KCNG2: variants seen among roughly 807,000 people sequenced by gnomAD.
KCNG2 encodes the protein potassium voltage-gated channel modifier subfamily G member 2, also known as voltage-gated potassium channel regulatory subunit KCNG2.
In KCNG2, 7 loss-of-function variants were observed where a neutral mutation model predicts 12.3. That is an observed-to-expected ratio of 0.57 (90% CI 0.32 to 1.07). The LOEUF (loss-of-function observed/expected upper bound fraction) is 1.07. Among genes scored for constraint, KCNG2 ranks in the 50% least tolerant of loss-of-function variants. KCNG2 has a pLI of 0.04. For synonymous variants in KCNG2, 414 were observed against 351.4 expected, an observed-to-expected ratio of 1.18 and a Z score of -1.99; for missense variants, 703 against 726.0, an observed-to-expected ratio of 0.97 and a Z score of 0.36.
chr18:79,876,442 G>C (rs1324447318), intron 3 of KCNG2, among the ~76,000 whole-genome samples: 1 of 152,264 alleles, frequency 6.6e-6, no homozygotes, highest in African/African-American at 2.4e-5. Flanking sequence ...GCTGTGGGCT[G>C]CAGTTCCCGG....
chr18:79,888,299 C>G (rs958588177), intron 3 of KCNG2, among the ~76,000 whole-genome samples: 2 of 152,206 alleles, frequency 1.3e-5, no homozygotes, highest in African/African-American at 4.8e-5. Flanking sequence ...GCTGCAGACT[C>G]CTGAGAAGGT....
At chr18:79,817,575 C>T (rs914698010) in intron 1 of KCNG2, among the ~76,000 whole-genome samples, 1 of 152,264 alleles carries the variant, frequency 6.6e-6, no homozygotes, top group African/African-American at 2.4e-5. Context: ...TTTGCACACA[C>T]AGTTCTCACA....
chr18:79,856,351 A>G (rs1199590187), intron 1 of KCNG2, among the ~76,000 whole-genome samples, 28 bp from the exon 2 acceptor site: 1 of 152,206 alleles, frequency 6.6e-6, no homozygotes, highest in African/African-American at 2.4e-5. Flanking sequence ...TCTGTCCCTT[A>G]GGGTGAAACT....
At chr18:79,840,351 A>G (rs898510177) in intron 1 of KCNG2, among the ~76,000 whole-genome samples, 1 of 152,228 alleles carries the variant, frequency 6.6e-6, no homozygotes, top group Non-Finnish European at 1.5e-5. Context: ...AACATAGAAT[A>G]TAATACCCTT....
At chr18:79,871,473 G>A (rs567592118) in intron 3 of KCNG2, among the ~76,000 whole-genome samples, 19 of 152,330 alleles carry the variant, frequency 1.2e-4, no homozygotes, top group African/African-American at 3.8e-4. Context: ...GGCTCCTAGG[G>A]CAGCTGCTCT....
At position 79,899,560 on chromosome 18, in the gene KCNG2, G is replaced by GTCAGGTGGT. The variant is rs767641357; in HGVS notation, c.1145_1146insTCAGGTGGT (p.Gln383_Val385dup). ...GACATGGTCCCGCGCAGCCTGCCCGGGCAGGTGGTGGCGCTCAGCAGCATC... is the reference window on the plus strand; with the variant it reads ...GACATGGTCCCGCGCAGCCTGCCCGGTCAGGTGGTGCAGGTGGTGGCGCTCAGCAGCATC... On this transcript the variant is annotated inframe_insertion, in exon 4 of 4. Transcript: ENST00000316249. 1 of 1,601,268 alleles carries GTCAGGTGGT rather than the reference G, an allele frequency of 6.2e-7. No homozygotes were observed. The highest frequency in any genetic ancestry group is 8.5e-7 in the Non-Finnish European group (1 of 1,174,446).
chr18:79,829,190 G>C (rs538394757), intron 1 of KCNG2, among the ~76,000 whole-genome samples: 11 of 151,142 alleles, frequency 7.3e-5, no homozygotes, highest in Non-Finnish European at 1.3e-4. Context: ...GTGTGCATGT[G>C]TCTGTGTGTG....
intron 1 of KCNG2, among the ~76,000 whole-genome samples, chr18:79,825,693 G>C (rs2087608552): frequency 6.6e-6 from 1 of 152,194 alleles, no homozygotes; most frequent in African/African-American, 2.4e-5. Context: ...TCATTTCATA[G>C]GGCTTCAGTT....
intron 1 of KCNG2, among the ~76,000 whole-genome samples, chr18:79,830,276 G>T (rs1010224127): frequency 6.6e-6 from 1 of 152,164 alleles, no homozygotes; most frequent in Non-Finnish European, 1.5e-5. Flanking sequence ...TTGTTTCAGG[G>T]GTTTGAGAAG....
Position 79,819,518 on chromosome 18 carries a change from C to T in KCNG2, c.-115+21504C>T, listed in dbSNP as rs1391428845. Among the ~76,000 whole-genome samples the T allele has an allele frequency of 5.3e-5, 8 of 152,346 alleles. No individual in the cohort carries two copies. The East Asian group carries it at 7.7e-4, about 15-fold the overall frequency. On this transcript the variant is annotated intron_variant, in intron 1 of 3. Coordinates refer to ENST00000316249, the MANE Select transcript of KCNG2 (RefSeq NM_012283.2). ...GCTGGCACTCAGTGTCCCTTCAGAT[C>T]GGGCTGTGTTGGGCCTGGGTGTCAC... is the stretch of plus-strand genomic sequence containing the variant.
intron 1 of KCNG2, among the ~76,000 whole-genome samples, chr18:79,834,667 G>A (rs1978314102): frequency 1.3e-5 from 2 of 152,268 alleles, no homozygotes; most frequent in Admixed American, 6.5e-5. Flanking sequence ...ATGGCTGCTT[G>A]AGATAATGGG....
intron 1 of KCNG2, among the ~76,000 whole-genome samples, chr18:79,801,516 G>T (rs956778739): frequency 9.8e-5 from 15 of 152,358 alleles, no homozygotes; most frequent in African/African-American, 3.4e-4. Flanking sequence ...CTGGGCCCGG[G>T]AGCCCTCCGA....
In KCNG2 at chr18:79,863,959, G is replaced by C; in HGVS notation, c.292G>C (p.Ala98Pro). ...GCTGCGACTGCTGCGGGGCCCGTGC[G>C]CGCTGGCCTTCCGCGACGAGCTGGC... ...GKLRLLRGPCALAFRDELAYW... is the reference protein window; with the variant it reads ...GKLRLLRGPCPLAFRDELAYW... The change falls in exon 3 of 4, where the codon GCG (alanine) becomes CCG (proline). Residue 98 changes from alanine to proline, a missense_variant. Physicochemically the swap from Ala to Pro is conservative, Grantham distance 27. Transcript: ENST00000316249. 6 of 1,287,146 alleles carry C rather than the reference G, an allele frequency of 4.7e-6. No individual in the cohort carries two copies. The highest frequency in any genetic ancestry group is 5.9e-6 in the Non-Finnish European group (6 of 1,010,390). The allele number at this position is 1,287,146 out of a possible 1,614,324, so 79.7% of individuals were successfully genotyped here. A position where few individuals can be genotyped will look rare whatever the true frequency, so the allele number is the denominator to read the frequency against.
rs191900670 is a variant in KCNG2, at chr18:79,877,017, G to A, written c.624+12726G>A. Among the ~76,000 whole-genome samples, 505 of 152,340 alleles carry A rather than the reference G, an allele frequency of 3.3e-3. 17 individuals are homozygous for A. The highest frequency in any genetic ancestry group is 0.029 in the Admixed American group (439 of 15,304). On this transcript the variant is annotated intron_variant, in intron 3 of 3. Transcript: ENST00000316249. ...GAAATCGAACTGACACGTCTGCTTC[G>A]GTGCAGATAATTCCAGGCGAGCACA... is the stretch of plus-strand genomic sequence containing the variant.
chr18:79,863,451 C>T (rs1289859225), intron 2 of KCNG2, among the ~76,000 whole-genome samples, 177 bp from the exon 3 acceptor site: 1 of 152,248 alleles, frequency 6.6e-6, no homozygotes, highest in Non-Finnish European at 1.5e-5. Context: ...TTGAGGGTCC[C>T]CCATGCGGAC....
chr18:79,864,959 G>T (rs1001936405), intron 3 of KCNG2, among the ~76,000 whole-genome samples: 2 of 150,916 alleles, frequency 1.3e-5, no homozygotes, highest in Admixed American at 6.6e-5. Context: ...TGAGTTCTGT[G>T]TGCGGAAGTC....
intron 1 of KCNG2, among the ~76,000 whole-genome samples, chr18:79,840,938 G>A (rs1386429944): frequency 6.6e-6 from 1 of 152,124 alleles, no homozygotes; most frequent in Non-Finnish European, 1.5e-5. Flanking sequence ...ACTCAAAATG[G>A]ATCATGACTT....
At chr18:79,846,579 T>G (rs1978638541) in intron 1 of KCNG2, among the ~76,000 whole-genome samples, 1 of 152,236 alleles carries the variant, frequency 6.6e-6, no homozygotes, top group South Asian at 2.1e-4. Context: ...AAATTATTTA[T>G]GTTTGGCTTT....
At chr18:79,816,852 C>A (rs892547728) in intron 1 of KCNG2, among the ~76,000 whole-genome samples, 10 of 152,182 alleles carry the variant, frequency 6.6e-5, no homozygotes, top group African/African-American at 2.4e-4. Context: ...CAGAAGTTAC[C>A]GATTGTGTTA....
Sources: allele counts gnomAD v4.1 joint callset (sites outside exome capture counted in the v4.1 genomes callset), GRCh38; gene constraint gnomAD v4.1.1; transcripts MANE v1.5; gene names NCBI Gene and HGNC (gene_info 2026-07-23, HGNC 2026-07-21).